The following FRY variants were observed in gnomAD, a reference collection of about 807,000 sequenced individuals.
FRY encodes FRY microtubule binding protein.
In FRY, 128 loss-of-function variants were observed where a neutral mutation model predicts 348.4. That is an observed-to-expected ratio of 0.37 (90% confidence interval 0.32 to 0.43). FRY has a LOEUF of 0.43. FRY is among the 20% of genes least tolerant of loss of function. The probability of loss-of-function intolerance (pLI) is 1.00; values close to 1 mark genes in which losing one functional copy is unlikely to be tolerated. For synonymous variants in FRY, 1,370 were observed against 1,374.7 expected, an observed-to-expected ratio of 1.00 and a Z score of 0.08; for missense variants, 2,736 against 3,695.2, an observed-to-expected ratio of 0.74 and a Z score of 6.73.
At chr13:32,271,535 TG>T (rs1252545537) in intron 55 of FRY, among the ~76,000 whole-genome samples, 1 of 152,158 alleles carries the variant, frequency 6.6e-6, no homozygotes, top group Non-Finnish European at 1.5e-5. Flanking sequence ...CAGAAGTGAC[TG>T]ACTGCCCACC....
At chr13:32,099,885 T>C (rs969217450) in intron 2 of FRY, among the ~76,000 whole-genome samples, 1 of 151,886 alleles carries the variant, frequency 6.6e-6, no homozygotes, top group Non-Finnish European at 1.5e-5. Flanking sequence ...ATAATTAAGG[T>C]GAATTGTTTC....
At chr13:32,268,341 T>C (rs1484584138) in intron 55 of FRY, among the ~76,000 whole-genome samples, 1 of 151,962 alleles carries the variant, frequency 6.6e-6, no homozygotes, top group Non-Finnish European at 1.5e-5. Flanking sequence ...ACTAGACCTA[T>C]GTCTGAGCTT....
intron 1 of FRY, among the ~76,000 whole-genome samples, chr13:32,054,582 G>A (rs1194749467): frequency 6.6e-6 from 1 of 152,122 alleles, no homozygotes; most frequent in African/African-American, 2.4e-5. Flanking sequence ...CTGTTTAAAG[G>A]TAAGAAACAG....
At chr13:32,290,841 G>T (rs1244454044) in intron 59 of FRY, among the ~76,000 whole-genome samples, 1 of 152,018 alleles carries the variant, frequency 6.6e-6, no homozygotes, top group Non-Finnish European at 1.5e-5. Context: ...AGAAAGAAGA[G>T]TTGAGGAGAG....
chr13:32,140,083 T>C (rs537699414), intron 11 of FRY, among the ~76,000 whole-genome samples: 68 of 146,662 alleles, frequency 4.6e-4, no homozygotes, highest in Non-Finnish European at 6.8e-4. Context: ...GCCCAGATTA[T>C]TAAAAAAAAA....
chr13:32,158,951 CAAAAAA>C (rs35585320), intron 16 of FRY, among the ~76,000 whole-genome samples: 6 of 32,784 alleles, frequency 1.8e-4, no homozygotes, highest in Admixed American at 8.1e-4. Flanking sequence ...GCTGTTTCCT[CAAAAAA>C]AAAAAAAAAA....
intron 1 of FRY, among the ~76,000 whole-genome samples, chr13:32,070,234 T>C (rs774788943): frequency 6.6e-6 from 1 of 152,210 alleles, no homozygotes; most frequent in Non-Finnish European, 1.5e-5. Flanking sequence ...TACCCAGTCA[T>C]GGTATTGCTG....
intron 1 of FRY, among the ~76,000 whole-genome samples, chr13:32,053,001 T>C (rs1162259599): frequency 1.3e-5 from 2 of 151,940 alleles, no homozygotes; most frequent in African/African-American, 4.8e-5. Context: ...GAGTCCTATC[T>C]ACTCGGGAGG....
In FRY at chr13:32,224,315, A is replaced by C; in HGVS notation, c.4846A>C (p.Thr1616Pro). The change falls in exon 37 of 61, where the codon ACT (threonine) becomes CCT (proline). Residue 1616 changes from threonine to proline, a missense_variant. By Grantham distance (38) the Thr-to-Pro change is conservative (BLOSUM62 -1). This residue lies in a region of FRY where 794 missense variants were observed against 977.0 expected (regional missense o/e 0.81). Coordinates refer to ENST00000542859, the MANE Select transcript of FRY (RefSeq NM_023037.3). ...KQPQPLPMPCTGGCWAPLVDY... is the reference protein window; with the variant it reads ...KQPQPLPMPCPGGCWAPLVDY... ...GCCGCAGCCCTTACCGATGCCTTGTACTGGAGGATGCTGGGCCCCCCTGGT... is the reference window on the plus strand; with the variant it reads ...GCCGCAGCCCTTACCGATGCCTTGTCCTGGAGGATGCTGGGCCCCCCTGGT... The C allele has an allele frequency of 6.2e-7, 1 of 1,614,018 alleles. No individual in the cohort carries two copies. Among genetic ancestry groups the C allele is most frequent in the Non-Finnish European group, 8.5e-7 (1 of 1,179,956 alleles).
intron 1 of FRY, among the ~76,000 whole-genome samples, chr13:32,032,255 A>G (rs1872277934): frequency 6.6e-6 from 1 of 152,102 alleles, no homozygotes; most frequent in Non-Finnish European, 1.5e-5. Context: ...GCTTTCTCTA[A>G]ATATTTTGTG....
intron 25 of FRY, 81 bp from the exon 26 acceptor site, chr13:32,184,895 G>A: frequency 3.2e-6 from 4 of 1,241,246 alleles, no homozygotes; most frequent in Admixed American, 1.7e-5. Flanking sequence ...AGTTGTGACA[G>A]TGAATCTTAG....
intron 53 of FRY, 36 bp downstream of exon 53, chr13:32,262,511 C>G (rs1415482299): frequency 3.3e-6 from 5 of 1,503,922 alleles, no homozygotes; most frequent in Non-Finnish European, 4.6e-6. Flanking sequence ...TTGTACTTCC[C>G]TTAAAACCCT....
At chr13:32,124,555 G>C in intron 5 of FRY, 47 bp from the exon 6 acceptor site, 1 of 1,133,626 alleles carries the variant, frequency 8.8e-7, no homozygotes, top group Non-Finnish European at 1.3e-6. Context: ...GTACCGATTT[G>C]TTCTTTAATA....
At chr13:32,129,350 G>A (rs963746305) in intron 7 of FRY, among the ~76,000 whole-genome samples, 68 of 152,186 alleles carry the variant, frequency 4.5e-4, no homozygotes, top group African/African-American at 1.3e-3. Context: ...GTAGGTCTGC[G>A]GTAGGACCAG....
intron 8 of FRY, among the ~76,000 whole-genome samples, chr13:32,133,525 G>T (rs751447285): frequency 6.6e-6 from 1 of 152,062 alleles, no homozygotes; most frequent in Non-Finnish European, 1.5e-5. Flanking sequence ...TGTAGCAAAA[G>T]AATGACTATT....
chr13:32,297,056 C>A lies in FRY; in HGVS notation c.*1596C>A, dbSNP rs1002187194. 1 of 152,118 alleles carries A rather than the reference C, an allele frequency of 6.6e-6. No homozygotes were observed. Among genetic ancestry groups the A allele is most frequent in the Admixed American group, 6.5e-5 (1 of 15,270 alleles). The allele number at this position is 152,118 out of a possible 1,614,324, so 9.4% of individuals were successfully genotyped here. On this transcript the variant is annotated 3_prime_UTR_variant, in exon 61 of 61. Transcript: ENST00000542859. ...AAACATGTAACAATCTCATTTATGC[C>A]GTCTTTCTACTCATATTTTACATGG...
At chr13:32,141,445 G>C (rs1402280796) in intron 11 of FRY, among the ~76,000 whole-genome samples, 1 of 152,178 alleles carries the variant, frequency 6.6e-6, no homozygotes, top group Admixed American at 6.5e-5. Flanking sequence ...GAGAAAACTG[G>C]AAGGTATTTT....
chr13:32,095,059 G>A (rs1359026946), intron 2 of FRY, among the ~76,000 whole-genome samples: 1 of 152,130 alleles, frequency 6.6e-6, no homozygotes, highest in Non-Finnish European at 1.5e-5. Context: ...GGGGTGTGAT[G>A]GTTTCTCACT....
chr13:32,077,181 G>A (rs370660819), intron 1 of FRY, among the ~76,000 whole-genome samples: 8 of 152,154 alleles, frequency 5.3e-5, no homozygotes, highest in African/African-American at 1.7e-4. Flanking sequence ...GGGTGTGGAG[G>A]CAAACTACTA....
Sources: gnomAD v4.1 joint callset for allele counts (sites outside exome capture counted in the v4.1 genomes callset) on GRCh38, gnomAD v4.1.1 for gene constraint, gnomAD v4.1.1 regional missense constraint, MANE v1.5 for transcripts, NCBI Gene and HGNC (gene_info 2026-07-23, HGNC 2026-07-21) for gene names.